The following DCHS2 variants were observed in gnomAD, a reference collection of about 807,000 sequenced individuals.
The protein encoded by DCHS2 is dachsous cadherin-related 2.
A neutral mutation model predicts 182.4 loss-of-function variants in DCHS2; 142 were observed. The observed-to-expected ratio is 0.78, with a 90% CI of 0.68 to 0.89. The LOEUF (loss-of-function observed/expected upper bound fraction) is 0.89, where lower values mean the gene tolerates loss of function less well. Among genes scored for constraint, DCHS2 ranks in the 40% least tolerant of loss-of-function variants. The pLI is 0.00. For synonymous variants in DCHS2, 1,740 were observed against 1,663.3 expected (o/e 1.05, Z -1.12); for missense variants, 4,319 against 4,198.6 (o/e 1.03, Z -0.79).
At chr4:154,367,037 A>G (rs1730410160) in intron 2 of DCHS2, among the ~76,000 whole-genome samples, 1 of 152,166 alleles carries the variant, frequency 6.6e-6, no homozygotes, top group Non-Finnish European at 1.5e-5. Flanking sequence ...GAAAGGAAAG[A>G]ATAACAGGCA....
intron 13 of DCHS2, among the ~76,000 whole-genome samples, chr4:154,286,614 A>G (rs998394462): frequency 6.6e-6 from 1 of 152,006 alleles, no homozygotes; most frequent in Non-Finnish European, 1.5e-5. Context: ...ATCAAGCAGA[A>G]GAAAGAATTA....
intron 3 of DCHS2, among the ~76,000 whole-genome samples, chr4:154,349,181 T>G (rs189771959): frequency 6.6e-6 from 1 of 152,078 alleles, no homozygotes; most frequent in East Asian, 1.9e-4. Flanking sequence ...TGAGCAGAAG[T>G]GGCTGGCTTT....
chr4:154,491,787 T>C lies in DCHS2; in HGVS notation c.-432A>G, dbSNP rs1309145149. ...GGAGAGGATGGGGATCTGGCCGGAG[T>C]AGGGGGTGGAGTAAGGGCGTGGAGG... is the stretch of plus-strand genomic sequence containing the variant. On this transcript the variant is annotated 5_prime_UTR_variant, in exon 1 of 20. Coordinates refer to ENST00000357232, the MANE Select transcript of DCHS2 (RefSeq NM_001358235.2). The C allele has an allele frequency of 2.0e-6, 2 of 980,240 alleles. No individual in the cohort carries two copies. Among genetic ancestry groups the C allele is most frequent in the East Asian group, 1.2e-4 (1 of 8,676 alleles). 60.7% of individuals were successfully genotyped at this position (980,240 alleles called of 1,614,324 possible).
At chr4:154,427,945 A>G (rs1050013435) in intron 1 of DCHS2, among the ~76,000 whole-genome samples, 4 of 152,248 alleles carry the variant, frequency 2.6e-5, no homozygotes, top group African/African-American at 9.6e-5. Flanking sequence ...CAAACAAGGT[A>G]TAGATTATTC....
At chr4:154,423,132 A>G (rs940514975) in intron 1 of DCHS2, among the ~76,000 whole-genome samples, 1 of 152,364 alleles carries the variant, frequency 6.6e-6, no homozygotes, top group African/African-American at 2.4e-5. Flanking sequence ...GGTATTTAGT[A>G]GGTATGTAAA....
At chr4:154,268,478 T>C (rs1733409623) in intron 14 of DCHS2, among the ~76,000 whole-genome samples, 1 of 152,216 alleles carries the variant, frequency 6.6e-6, no homozygotes, top group South Asian at 2.1e-4. Context: ...CAGAGTAGGA[T>C]AATGTGAGAT....
chr4:154,334,710 T>C (rs896525946), intron 4 of DCHS2, 158 bp downstream of exon 4: 6 of 612,112 alleles, frequency 9.8e-6, no homozygotes, highest in Middle Eastern at 4.3e-4. Flanking sequence ...ACAGAAACAA[T>C]GTTGGAAGAA....
At position 154,407,697 on chromosome 4, in the gene DCHS2, C is replaced by T. The variant is rs1732459477; in HGVS notation, c.2053-30253G>A. 1.3e-5 allele frequency among the ~76,000 whole-genome samples: 2 copies of T among 152,290 alleles called. 1 individual carries two copies. Among genetic ancestry groups the T allele is most frequent in the South Asian group, 4.1e-4 (2 of 4,826 alleles). On this transcript the variant is annotated intron_variant, in intron 1 of 19. Coordinates refer to ENST00000357232, the MANE Select transcript of DCHS2 (RefSeq NM_001358235.2). ...CCCCACACAACCCTGAGACTCTCCC[C>T]CTCAGTCTTGGTACAGTGCTTCCCA...
chr4:154,486,429 A>G (rs1463328183), intron 1 of DCHS2: 2 of 1,304,482 alleles, frequency 1.5e-6, no homozygotes, highest in African/African-American at 3.0e-5. Context: ...ACATGGTATT[A>G]TCTTACAGGA....
Position 154,236,966 on chromosome 4 carries a change from A to T in DCHS2, c.7686T>A (p.Ala2562=). Reference sequence around the variant, plus strand: ...ATGTAACAAGCGTGCTTCCAACCAGAGCATCCTCACTTAGGCTAAGATTAT... The same window carrying T: ...ATGTAACAAGCGTGCTTCCAACCAGTGCATCCTCACTTAGGCTAAGATTAT... The part of the protein sequence containing the change: ...KSYNLSLSED[A]LVGSTLVTFS... The change falls in exon 20 of 20, where the codon GCT becomes GCA. Residue 2562 remains alanine, a synonymous_variant. Coordinates refer to ENST00000357232, the MANE Select transcript of DCHS2 (RefSeq NM_001358235.2). 6.2e-7 allele frequency: 1 copy of T among 1,614,058 alleles called. No homozygotes were observed. Among genetic ancestry groups the T allele is most frequent in the Non-Finnish European group, 8.5e-7 (1 of 1,179,940 alleles).
chr4:154,272,305 T>G (rs1467555021), intron 13 of DCHS2: 5 of 152,176 alleles, frequency 3.3e-5, no homozygotes, highest in Admixed American at 6.6e-5. Context: ...ACATTTAACC[T>G]TATAAGAAAA....
rs77808497 is a variant in DCHS2, at chr4:154,314,195, A to G, written c.5260+1553T>C. Among the ~76,000 whole-genome samples, 4 of 152,298 alleles carry G rather than the reference A, an allele frequency of 2.6e-5. No homozygotes were observed. In the East Asian group the frequency reaches 7.7e-4, roughly 29 times the overall value. ...GTTTGCAAAATCACACAACATCAGCAATAAGTTCAGTATATGTCTATATAC... is the reference window on the plus strand; with the variant it reads ...GTTTGCAAAATCACACAACATCAGCGATAAGTTCAGTATATGTCTATATAC... On this transcript the variant is annotated intron_variant, in intron 10 of 19. Transcript: ENST00000357232.
intron 1 of DCHS2, among the ~76,000 whole-genome samples, chr4:154,487,529 C>G (rs1728628401): frequency 6.6e-6 from 1 of 152,202 alleles, no homozygotes; most frequent in Non-Finnish European, 1.5e-5. Context: ...TTTTAATAAT[C>G]TAGCAACTCA....
chr4:154,283,079 A>G (rs1379333731), intron 13 of DCHS2, among the ~76,000 whole-genome samples: 1 of 152,186 alleles, frequency 6.6e-6, no homozygotes, highest in African/African-American at 2.4e-5. Context: ...AATGAAAAAT[A>G]TCTAGAGATC....
intron 1 of DCHS2, among the ~76,000 whole-genome samples, chr4:154,473,600 A>G (rs921392654): frequency 6.6e-6 from 1 of 152,032 alleles, no homozygotes; most frequent in African/African-American, 2.4e-5. Flanking sequence ...CAGGTGTTTG[A>G]CCCTTCCGGG....
Position 154,380,520 on chromosome 4 carries a change from T to C in DCHS2, c.2053-3076A>G, listed in dbSNP as rs576917320. On this transcript the variant is annotated intron_variant, in intron 1 of 19. Transcript: ENST00000357232. ...TGGCTTCATTGAAAGACACATACAA[T>C]GAACTTTTAAATTTTAAAATTCATT... Among the ~76,000 whole-genome samples, 71 of 152,300 alleles carry C rather than the reference T, an allele frequency of 4.7e-4. 2 individuals are homozygous for C. The South Asian group carries it at 0.014, about 31-fold the overall frequency.
chr4:154,234,568 C>A lies in DCHS2; in HGVS notation c.10084G>T (p.Glu3362Ter), dbSNP rs758044841. The change falls in exon 20 of 20, where the codon GAA (glutamate) becomes TAA (stop). Residue 3362 changes from glutamate to a stop codon, truncating the protein, a stop_gained. Transcript: ENST00000357232. LOFTEE classifies it high-confidence loss of function. ...TGAACTTCATCTTCTGCTTTAAGTT[C>A]ATGGCATGTACCACTGATGTGTGTT... Reference protein sequence around the residue: ...LGTHISGTCHELKAEDEVQI With the variant: ...LGTHISGTCH 3.7e-6 allele frequency: 6 copies of A among 1,613,096 alleles called. No individual in the cohort carries two copies. The South Asian group carries it at 5.5e-5, about 15-fold the overall frequency.
chr4:154,462,684 T>C (rs1735060045), intron 1 of DCHS2, among the ~76,000 whole-genome samples: 1 of 152,158 alleles, frequency 6.6e-6, no homozygotes, highest in African/African-American at 2.4e-5. Flanking sequence ...CTTAGGGAGA[T>C]TTAGCAACTT....
At chr4:154,464,483 T>G (rs1735155177) in intron 1 of DCHS2, among the ~76,000 whole-genome samples, 1 of 152,186 alleles carries the variant, frequency 6.6e-6, no homozygotes, top group Admixed American at 6.6e-5. Context: ...AAAGTCCATT[T>G]ATATGTTTAT....
Sources: gnomAD v4.1 joint callset for allele counts (sites outside exome capture counted in the v4.1 genomes callset) on GRCh38, gnomAD v4.1.1 for gene constraint, MANE v1.5 for transcripts, NCBI Gene and HGNC (gene_info 2026-07-23, HGNC 2026-07-21) for gene names.